Variants in PLCB1 observed in about 807,000 individuals in gnomAD.
PLCB1 encodes the protein 1-phosphatidylinositol 4,5-bisphosphate phosphodiesterase beta-1.
In PLCB1, 46 loss-of-function variants were observed where a neutral mutation model predicts 161.8. The ratio of observed to expected loss-of-function variants is 0.28; its 90% CI spans 0.22 to 0.36. The LOEUF (loss-of-function observed/expected upper bound fraction) is 0.36. Ranked by LOEUF, PLCB1 falls within the 10% of genes least tolerant of loss-of-function variation. PLCB1 has a pLI of 1.00. For missense variants in PLCB1, 1,016 were observed against 1,472.5 expected, an observed-to-expected ratio of 0.69 and a Z score of 5.07; for synonymous variants, 517 against 503.7, an observed-to-expected ratio of 1.03 and a Z score of -0.35.
At chr20:8,133,358 C>A (rs573476046) in intron 1 of PLCB1, among the ~76,000 whole-genome samples, 1 of 151,954 alleles carries the variant, frequency 6.6e-6, no homozygotes, top group Non-Finnish European at 1.5e-5. Context: ...CTGGGGAGGG[C>A]GTGAACAGAA....
intron 15 of PLCB1, among the ~76,000 whole-genome samples, chr20:8,724,028 C>G (rs1979792761): frequency 6.6e-6 from 1 of 151,516 alleles, no homozygotes; most frequent in African/African-American, 2.4e-5. Context: ...GATGAGAACA[C>G]ATGGACACAT....
At chr20:8,479,833 G>A (rs6086463) in intron 3 of PLCB1, among the ~76,000 whole-genome samples, 16 of 152,124 alleles carry the variant, frequency 1.1e-4, no homozygotes, top group South Asian at 2.1e-4. Flanking sequence ...TGACGATTTC[G>A]AAATGAAAAG....
At chr20:8,722,317 A>C in intron 14 of PLCB1, 37 bp from the exon 15 acceptor site, 1 of 1,492,208 alleles carries the variant, frequency 6.7e-7, no homozygotes, top group Non-Finnish European at 9.3e-7. Flanking sequence ...TAAATGTTGA[A>C]ATGGTGACAT....
At chr20:8,586,986 G>A (rs943058417) in intron 3 of PLCB1, among the ~76,000 whole-genome samples, 1 of 152,116 alleles carries the variant, frequency 6.6e-6, no homozygotes, top group Non-Finnish European at 1.5e-5. Context: ...TATGGGGGAT[G>A]AGCTGGTGGC....
At chr20:8,584,722 G>C (rs1045022438) in intron 3 of PLCB1, among the ~76,000 whole-genome samples, 11 of 151,240 alleles carry the variant, frequency 7.3e-5, no homozygotes, top group Admixed American at 2.6e-4. Flanking sequence ...ACAGAGTCTC[G>C]CTCCGTCACC....
At chr20:8,730,017 G>C (rs1403838261) in intron 18 of PLCB1, 1 of 151,824 alleles carries the variant, frequency 6.6e-6, no homozygotes, top group Non-Finnish European at 1.5e-5. Flanking sequence ...TTTAAAATAT[G>C]TTTCTTGGTT....
At chr20:8,390,463 T>G (rs555643535) in intron 3 of PLCB1, among the ~76,000 whole-genome samples, 1 of 152,334 alleles carries the variant, frequency 6.6e-6, no homozygotes, top group East Asian at 1.9e-4. Context: ...ATATAAATGT[T>G]GAGGGGACAC....
chr20:8,546,843 T>A (rs1985571116), intron 3 of PLCB1, among the ~76,000 whole-genome samples: 1 of 152,168 alleles, frequency 6.6e-6, no homozygotes, highest in Non-Finnish European at 1.5e-5. Flanking sequence ...TTTTTTTTAA[T>A]ATCATAATAA....
chr20:8,307,927 C>T (rs762042986), intron 2 of PLCB1, among the ~76,000 whole-genome samples: 1 of 151,600 alleles, frequency 6.6e-6, no homozygotes, highest in Non-Finnish European at 1.5e-5. Context: ...CATCTCAAAA[C>T]AAACAAACAA....
At chr20:8,195,826 A>T (rs1464322709) in intron 2 of PLCB1, among the ~76,000 whole-genome samples, 1 of 152,164 alleles carries the variant, frequency 6.6e-6, no homozygotes, top group East Asian at 1.9e-4. Flanking sequence ...ATGTTTTCTC[A>T]TGATTATATT....
intron 3 of PLCB1, among the ~76,000 whole-genome samples, chr20:8,586,213 A>G (rs1986985218): frequency 6.6e-6 from 1 of 152,206 alleles, no homozygotes; most frequent in African/African-American, 2.4e-5. Flanking sequence ...TCATCCTCAA[A>G]TATCCCATTA....
At chr20:8,706,917 A>T (rs1297371874) in intron 11 of PLCB1, among the ~76,000 whole-genome samples, 5 of 152,196 alleles carry the variant, frequency 3.3e-5, no homozygotes, top group African/African-American at 1.2e-4. Flanking sequence ...GCAAACCAAT[A>T]CACAGAGGCA....
chr20:8,166,026 T>C (rs923428773), intron 2 of PLCB1, among the ~76,000 whole-genome samples: 34 of 152,162 alleles, frequency 2.2e-4, no homozygotes, highest in African/African-American at 7.2e-4. Flanking sequence ...TTTCTTATGT[T>C]GTCAATATTT....
chr20:8,435,971 T>A (rs935063346), intron 3 of PLCB1, among the ~76,000 whole-genome samples: 2 of 152,200 alleles, frequency 1.3e-5, no homozygotes, highest in African/African-American at 2.4e-5. Context: ...CTAGATGAGA[T>A]ACACTAAAAT....
chr20:8,619,442 A>AG (rs1291335963), intron 3 of PLCB1, among the ~76,000 whole-genome samples: 69 of 152,214 alleles, frequency 4.5e-4, no homozygotes, highest in African/African-American at 1.6e-3. Context: ...AAAGAAAAAA[A>AG]GAAAAAGATA....
intron 3 of PLCB1, among the ~76,000 whole-genome samples, chr20:8,435,173 T>A (rs1371382170): frequency 6.6e-6 from 1 of 152,216 alleles, no homozygotes; most frequent in Non-Finnish European, 1.5e-5. Context: ...ACTGCCTAGT[T>A]CTTGTGTAGA....
At chr20:8,682,974 T>G (rs1990258592) in intron 9 of PLCB1, among the ~76,000 whole-genome samples, 1 of 152,230 alleles carries the variant, frequency 6.6e-6, no homozygotes, top group East Asian at 1.9e-4. Context: ...GTGAAAAAAT[T>G]AGAAACAACT....
intron 24 of PLCB1, among the ~76,000 whole-genome samples, chr20:8,759,014 A>G (rs939081522): frequency 1.3e-5 from 2 of 152,210 alleles, no homozygotes; most frequent in African/African-American, 4.8e-5. Context: ...ACTGTTCAAG[A>G]TTCCAACGCA....
chr20:8,242,870 T>A, intron 2 of PLCB1, among the ~76,000 whole-genome samples: 1 of 151,926 alleles, frequency 6.6e-6, no homozygotes, highest in Non-Finnish European at 1.5e-5. Context: ...CTGGTTCAAT[T>A]GTGCTATGGG....
Sources: allele counts gnomAD v4.1 joint callset (sites outside exome capture counted in the v4.1 genomes callset), GRCh38; gene constraint gnomAD v4.1.1; transcripts MANE v1.5; gene names NCBI Gene and HGNC (gene_info 2026-07-23, HGNC 2026-07-21).